The following WNT2 variants were observed in gnomAD, a reference collection of about 807,000 sequenced individuals.
WNT2 encodes the protein protein Wnt-2.
In WNT2, 12 loss-of-function variants were observed where a neutral mutation model predicts 36.9. The ratio of observed to expected loss-of-function variants is 0.33; its 90% CI spans 0.21 to 0.53. WNT2 has a LOEUF of 0.53. Among genes scored for constraint, WNT2 ranks in the 20% least tolerant of loss-of-function variants. WNT2 has a pLI of 0.95. For synonymous variants in WNT2, 163 were observed against 174.6 expected (o/e 0.93, Z 0.52); for missense variants, 379 against 473.1 (o/e 0.80, Z 1.84).
intron 4 of WNT2, among the ~76,000 whole-genome samples, chr7:117,291,680 C>A (rs1366337002): frequency 1.3e-5 from 2 of 152,206 alleles, no homozygotes; most frequent in Non-Finnish European, 2.9e-5. Flanking sequence ...AACCTCAGAG[C>A]ACTCACTTTC....
chr7:117,286,375 C>T (rs564687214), intron 4 of WNT2, among the ~76,000 whole-genome samples: 7 of 152,120 alleles, frequency 4.6e-5, no homozygotes, highest in African/African-American at 1.2e-4. Context: ...CTCTGGGACC[C>T]GGAGGAAGGG....
intron 4 of WNT2, among the ~76,000 whole-genome samples, chr7:117,288,623 C>T (rs1794629451): frequency 1.3e-5 from 2 of 152,140 alleles, no homozygotes; most frequent in South Asian, 4.1e-4. Context: ...GATAAAAGGG[C>T]ATCTATTTGG....
chr7:117,317,518 T>A (rs1795244713), intron 2 of WNT2, among the ~76,000 whole-genome samples: 1 of 152,176 alleles, frequency 6.6e-6, no homozygotes, highest in African/African-American at 2.4e-5. Context: ...ATAATAGCCC[T>A]AAAATGTTTT....
intron 4 of WNT2, among the ~76,000 whole-genome samples, chr7:117,293,498 C>T (rs1468791543): frequency 6.6e-6 from 1 of 152,104 alleles, no homozygotes; most frequent in Non-Finnish European, 1.5e-5. Flanking sequence ...CAAAACCAAA[C>T]AAAATAACCA....
rs1187027317 is a variant in WNT2 at position 117,289,051 on chromosome 7, C to CTTTT, written c.853+8557_853+8560dup. Reference sequence around the variant, plus strand: ...TGCTGATGCATTAGTTCACGTTAGACTTTTTTTTTTTTTTTTTTTTTTTTT... The same window carrying CTTTT: ...TGCTGATGCATTAGTTCACGTTAGACTTTTTTTTTTTTTTTTTTTTTTTTTTTTT... On this transcript the variant is annotated intron_variant, in intron 4 of 4. Transcript: ENST00000265441. Among the ~76,000 whole-genome samples, 20 of 89,442 alleles carry CTTTT rather than the reference C, an allele frequency of 2.2e-4. 2 individuals carry two copies. The highest frequency in any genetic ancestry group is 6.7e-4 in the African/African-American group (14 of 20,760). The allele number at this position is 89,442 out of a possible 152,430, so 58.7% of individuals were successfully genotyped here.
rs909809267 is a variant in WNT2 at position 117,277,990 on chromosome 7, GC to G, written c.*164del. ...GGGTAGGCTTTAGGTGCAGCGTGTG[GC>G]CCCCCCATCCTGGGGCCCCCAGGGA... On this transcript the variant is annotated 3_prime_UTR_variant, in exon 5 of 5. Transcript: ENST00000265441. 74 of 681,918 alleles carry G rather than the reference GC, an allele frequency of 1.1e-4. No individual in the cohort carries two copies. Among genetic ancestry groups the G allele is most frequent in the African/African-American group, 9.4e-4 (52 of 55,414 alleles). 42.2% of individuals were successfully genotyped at this position (681,918 alleles called of 1,614,324 possible).
chr7:117,321,329 T>C (rs548387618), intron 1 of WNT2, among the ~76,000 whole-genome samples: 4 of 152,366 alleles, frequency 2.6e-5, no homozygotes, highest in Admixed American at 1.3e-4. Context: ...AGACAGGCTG[T>C]TCTTTCCTTA....
In WNT2 at chr7:117,278,327, C is replaced by G; in HGVS notation, c.911G>C (p.Cys304Ser). 6.2e-7 allele frequency: 1 copy of G among 1,614,188 alleles called. No homozygotes were observed. The highest frequency in any genetic ancestry group is 8.5e-7 in the Non-Finnish European group (1 of 1,180,032). ...CNLTSRGMDS[C>S]EVMCCGRGYD... Reference sequence around the variant, plus strand: ...GCCTCTCCCACAGCACATGACTTCACAGCTGTCCATGCCCCGGGAAGTCAG... The same window carrying G: ...GCCTCTCCCACAGCACATGACTTCAGAGCTGTCCATGCCCCGGGAAGTCAG... The change falls in exon 5 of 5, where the codon TGT becomes TCT. Residue 304 changes from cysteine to serine, a missense_variant. Physicochemically the swap from Cys to Ser is moderately radical, Grantham distance 112. Transcript: ENST00000265441.
At chr7:117,283,025 G>A (rs1228826778) in intron 4 of WNT2, among the ~76,000 whole-genome samples, 1 of 152,188 alleles carries the variant, frequency 6.6e-6, no homozygotes, top group Non-Finnish European at 1.5e-5. Context: ...TGTTGGTGCT[G>A]TTAATTCCCT....
chr7:117,277,958 T>G lies in WNT2; in HGVS notation c.*197A>C. The G allele has an allele frequency of 1.7e-6, 1 of 599,576 alleles. No individual in the cohort carries two copies. The highest frequency in any genetic ancestry group is 3.0e-6 in the Non-Finnish European group (1 of 338,328). The allele number at this position is 599,576 out of a possible 1,614,324, so 37.1% of individuals were successfully genotyped here. A position where few individuals can be genotyped will look rare whatever the true frequency, so the allele number is the denominator to read the frequency against. ...TGACTGCAGAACACCAGGAGATGGA[T>G]AGAATAGGGTAGGCTTTAGGTGCAG... is the stretch of plus-strand genomic sequence containing the variant. On this transcript the variant is annotated 3_prime_UTR_variant, in exon 5 of 5. Transcript: ENST00000265441.
At chr7:117,320,050 C>G (rs39314) in intron 2 of WNT2, among the ~76,000 whole-genome samples, 1 of 152,034 alleles carries the variant, frequency 6.6e-6, no homozygotes, top group African/African-American at 2.4e-5. Flanking sequence ...CACAGAGGCA[C>G]CAAGGCTGAG....
chr7:117,303,213 C>G (rs1184757060), intron 3 of WNT2, among the ~76,000 whole-genome samples: 1 of 152,160 alleles, frequency 6.6e-6, no homozygotes, highest in African/African-American at 2.4e-5. Flanking sequence ...AGGTGAGAAA[C>G]CCCTGCACCG....
chr7:117,277,618 C>A lies in WNT2; in HGVS notation c.*537G>T, dbSNP rs1419928406. ...TCTTCTCCAGGTAATTACCAATTAC[C>A]CCTAAGGGTGGTAGCTGTAAAACCA... is the stretch of plus-strand genomic sequence containing the variant. On this transcript the variant is annotated 3_prime_UTR_variant, in exon 5 of 5. Transcript: ENST00000265441. 1 of 157,534 alleles carries A rather than the reference C, an allele frequency of 6.3e-6. No individual in the cohort carries two copies. The highest frequency in any genetic ancestry group is 2.4e-5 in the African/African-American group (1 of 41,436). The allele number at this position is 157,534 out of a possible 1,614,324, so 9.8% of individuals were successfully genotyped here.
chr7:117,322,978 AG>A lies in WNT2; in HGVS notation c.11del (p.Pro4LeufsTer13). 1 of 1,612,406 alleles carries A rather than the reference AG, an allele frequency of 6.2e-7. No individual in the cohort carries two copies. The highest frequency in any genetic ancestry group is 8.5e-7 in the Non-Finnish European group (1 of 1,179,588). The part of the protein sequence containing the change: MNA[P>X]LGGIWLWLPL... ...GGAGCCAGAGCCAGATTCCACCGAGAGGGGCGTTCATATTAACCCCCTTGCG... is the reference window on the plus strand; with the variant it reads ...GGAGCCAGAGCCAGATTCCACCGAGAGGGCGTTCATATTAACCCCCTTGCG... On this transcript the variant is annotated frameshift_variant, in exon 1 of 5. Transcript: ENST00000265441. LOFTEE classifies it high-confidence loss of function. This position sits in a 1 kb window ranked among gnomAD's most constrained non-coding sequence, Gnocchi z 5.4.
chr7:117,300,551 G>A (rs2116361929), intron 3 of WNT2, among the ~76,000 whole-genome samples: 1 of 152,240 alleles, frequency 6.6e-6, no homozygotes, highest in Admixed American at 6.5e-5. Flanking sequence ...TGTAATCCCA[G>A]CACTTTGGGA....
chr7:117,318,071 A>G (rs1035173300), intron 2 of WNT2, among the ~76,000 whole-genome samples: 1 of 152,164 alleles, frequency 6.6e-6, no homozygotes, highest in African/African-American at 2.4e-5. Flanking sequence ...TAAAAATTGT[A>G]CTGTCTTATT....
At chr7:117,286,205 G>C (rs573864783) in intron 4 of WNT2, among the ~76,000 whole-genome samples, 1 of 152,296 alleles carries the variant, frequency 6.6e-6, no homozygotes, top group Admixed American at 6.5e-5. Context: ...GCAATGCCGA[G>C]GGAACTTGAT....
intron 4 of WNT2, among the ~76,000 whole-genome samples, chr7:117,282,499 G>A (rs1794508968): frequency 6.6e-6 from 1 of 152,090 alleles, no homozygotes; most frequent in South Asian, 2.1e-4. Context: ...AAAGGAAGAG[G>A]AGGAGGAAGA....
Position 117,278,160 on chromosome 7 carries a change from T to C in WNT2, c.1078A>G (p.Thr360Ala). The C allele has an allele frequency of 1.2e-6, 2 of 1,614,222 alleles. No homozygotes were observed. Among genetic ancestry groups the C allele is most frequent in the South Asian group, 1.1e-5 (1 of 91,084 alleles). ...GATGGTGACGCCTGCTGGGGTCATGTAGCGGTTGTCCAGTCAGCGTTCTTG... is the reference window on the plus strand; with the variant it reads ...GATGGTGACGCCTGCTGGGGTCATGCAGCGGTTGTCCAGTCAGCGTTCTTG... ...APKNADWTTAT is the reference protein window; with the variant it reads ...APKNADWTTAA Residue 360 changes from threonine to alanine, a missense_variant, in exon 5 of 5, where the codon ACA becomes GCA. Physicochemically the swap from Thr to Ala is moderately conservative, Grantham distance 58 (BLOSUM62 0). Coordinates refer to ENST00000265441, the MANE Select transcript of WNT2 (RefSeq NM_003391.3).
Sources: gnomAD v4.1 joint callset for allele counts (sites outside exome capture counted in the v4.1 genomes callset) on GRCh38, gnomAD v4.1.1 for gene constraint, Gnocchi (gnomAD v3.1) non-coding constraint, MANE v1.5 for transcripts, NCBI Gene and HGNC (gene_info 2026-07-23, HGNC 2026-07-21) for gene names.